The following MYBPC1 variants were observed in gnomAD, a reference collection of about 807,000 sequenced individuals.
MYBPC1 encodes myosin binding protein C1, also known as myosin-binding protein C, slow-type.
Under a neutral mutation model 147.1 loss-of-function variants are expected in MYBPC1, and 52 were observed. The ratio of observed to expected loss-of-function variants is 0.35; its 90% CI spans 0.28 to 0.45. MYBPC1 has a LOEUF of 0.45. MYBPC1 is among the 20% of genes least tolerant of loss of function. The pLI is 1.00. For synonymous variants in MYBPC1, 477 were observed against 475.9 expected (o/e 1.00, Z -0.03); for missense variants, 1,228 against 1,440.3 (o/e 0.85, Z 2.39).
chr12:101,596,753 T>A (rs1877399808), intron 1 of MYBPC1, among the ~76,000 whole-genome samples: 1 of 152,080 alleles, frequency 6.6e-6, no homozygotes, highest in Admixed American at 6.5e-5. Flanking sequence ...AAATATATCT[T>A]TAACTTCAGC....
chr12:101,680,148 G>A lies in MYBPC1; in HGVS notation c.3247-195G>A, dbSNP rs11110958. On this transcript the variant is annotated intron_variant, in intron 28 of 31. Coordinates refer to ENST00000361466, the MANE Select transcript of MYBPC1 (RefSeq NM_002465.4). The stretch of plus-strand genomic sequence containing the variant: ...TGAACACATCTGGCTTTCTTTGTTA[G>A]AACTGTTAGTTTGCTTATTTGCCAA... 0.2 allele frequency among the ~76,000 whole-genome samples: 31,188 copies of A among 152,178 alleles called. 3,763 individuals are homozygous for A. The highest frequency in any genetic ancestry group is 0.34 in the Middle Eastern group (101 of 294).
chr12:101,661,916 G>GAAAAA (rs1555247215), intron 20 of MYBPC1, among the ~76,000 whole-genome samples: 1 of 124,882 alleles, frequency 8.0e-6, no homozygotes, highest in Non-Finnish European at 1.6e-5. Context: ...AAAAAAAAAA[G>GAAAAA]AAAGAAAAAA....
At chr12:101,606,985 C>T (rs746539710) in intron 1 of MYBPC1, among the ~76,000 whole-genome samples, 8 of 151,994 alleles carry the variant, frequency 5.3e-5, no homozygotes, top group African/African-American at 1.2e-4. Context: ...TCACCATGCC[C>T]GACTAATTTC....
intron 1 of MYBPC1, among the ~76,000 whole-genome samples, chr12:101,599,011 C>T (rs1878684067): frequency 6.6e-6 from 1 of 152,172 alleles, no homozygotes; most frequent in South Asian, 2.1e-4. Context: ...CTTAACTTGT[C>T]CGAAAAGGCA....
intron 8 of MYBPC1, among the ~76,000 whole-genome samples, chr12:101,634,041 C>T (rs1373712448): frequency 1.3e-5 from 2 of 151,998 alleles, no homozygotes; most frequent in Admixed American, 6.5e-5. Flanking sequence ...GGACTACAGG[C>T]GCCCGCCACC....
At chr12:101,650,054 T>C (rs961698404) in intron 15 of MYBPC1, among the ~76,000 whole-genome samples, 1 of 152,248 alleles carries the variant, frequency 6.6e-6, no homozygotes, top group African/African-American at 2.4e-5. Flanking sequence ...CATTGAATTA[T>C]TCAGGATCAA....
intron 8 of MYBPC1, among the ~76,000 whole-genome samples, chr12:101,634,210 T>C (rs1426341233): frequency 6.6e-6 from 1 of 152,190 alleles, no homozygotes; most frequent in Non-Finnish European, 1.5e-5. Flanking sequence ...CCTGGAGGGC[T>C]ATTTAAGAAT....
chr12:101,650,886 T>C (rs1396394996), intron 15 of MYBPC1: 1 of 347,512 alleles, frequency 2.9e-6, no homozygotes, highest in Non-Finnish European at 5.6e-6. Flanking sequence ...ATTCAAAATC[T>C]GATGAGTAGT....
chr12:101,653,426 T>G (rs1464629323), intron 18 of MYBPC1, among the ~76,000 whole-genome samples, 178 bp downstream of exon 18: 2 of 152,224 alleles, frequency 1.3e-5, no homozygotes, highest in Non-Finnish European at 2.9e-5. Context: ...GCAAATCTGA[T>G]CATCATTAAT....
At chr12:101,666,560 A>G (rs1030800680) in intron 22 of MYBPC1, 7 of 609,474 alleles carry the variant, frequency 1.1e-5, no homozygotes, top group Non-Finnish European at 2.1e-5. Flanking sequence ...GTCTGCACAG[A>G]GCAGGCTGTG....
At chr12:101,693,179 C>T in the MYBPC1 span, among the ~76,000 whole-genome samples, 29 of 152,234 alleles carry the variant, frequency 1.9e-4, no homozygotes, top group African/African-American at 6.5e-4. Context: ...ATCTCCTGAC[C>T]TCGTGATCCA....
At chr12:101,659,892 ACTTTCCTTCTTTGTC>A in intron 19 of MYBPC1, 61 bp downstream of exon 19, 1 of 1,588,692 alleles carries the variant, frequency 6.3e-7, no homozygotes, top group East Asian at 2.2e-5. Context: ...TTCAGAGTAG[ACTTTCCTTCTTTGTC>A]CTTTCCTTCC....
chr12:101,643,902 G>A (rs561455403), intron 11 of MYBPC1, among the ~76,000 whole-genome samples: 2 of 152,176 alleles, frequency 1.3e-5, no homozygotes, highest in East Asian at 1.9e-4. Context: ...AAAGGCATTC[G>A]ATTTAATATG....
chr12:101,615,676 C>CCG (rs1885793279), intron 2 of MYBPC1, among the ~76,000 whole-genome samples: 4 of 107,832 alleles, frequency 3.7e-5, no homozygotes, highest in South Asian at 4.9e-4. Flanking sequence ...CCCCCCCGCC[C>CCG]CCCCACACCA....
At chr12:101,652,586 T>C in intron 16 of MYBPC1, 92 bp from the exon 17 acceptor site, 2 of 866,990 alleles carry the variant, frequency 2.3e-6, no homozygotes, top group Non-Finnish European at 4.0e-6. Context: ...CTAAAGAAGT[T>C]AATCAGATAA....
At position 101,606,815 on chromosome 12, in the gene MYBPC1, G is replaced by C. The variant is rs190138788; in HGVS notation, c.26-7681G>C. On this transcript the variant is annotated intron_variant, in intron 1 of 31. Transcript: ENST00000361466. ...TGTCATTTATATTTGCTGATTTTGG[G>C]GGGGTACACTGTTTTTTGTTTCTTT... Among the ~76,000 whole-genome samples the C allele has an allele frequency of 2.0e-3, 298 of 152,076 alleles. 3 individuals are homozygous for C. The highest frequency in any genetic ancestry group is 1.3e-3 in the Non-Finnish European group (88 of 67,982).
chr12:101,659,711 T>C lies in MYBPC1; in HGVS notation c.1807T>C (p.Tyr603His). The change falls in exon 19 of 32, where the codon TAC becomes CAC. Residue 603 changes from tyrosine to histidine, a missense_variant. Transcript: ENST00000361466. ...CAGTGGCCGGATAAGAACAGAATCT[T>C]ACCCTGATAGCAGCACTCTGGTCAT... ...EGSGRIRTESYPDSSTLVIDI... is the reference protein window; with the variant it reads ...EGSGRIRTESHPDSSTLVIDI... 1 of 1,614,130 alleles carries C rather than the reference T, an allele frequency of 6.2e-7. No individual in the cohort carries two copies. The highest frequency in any genetic ancestry group is 8.5e-7 in the Non-Finnish European group (1 of 1,180,000).
At chr12:101,609,146 G>A (rs896416152) in intron 1 of MYBPC1, among the ~76,000 whole-genome samples, 1 of 152,034 alleles carries the variant, frequency 6.6e-6, no homozygotes, top group African/African-American at 2.4e-5. Flanking sequence ...AAACCCTTTA[G>A]GGTTCCCACT....
intron 22 of MYBPC1, among the ~76,000 whole-genome samples, chr12:101,664,145 G>A (rs1593987515): frequency 6.6e-6 from 1 of 152,120 alleles, no homozygotes. Context: ...ATATAAAACT[G>A]TAATCAGTTT....
Sources: allele counts gnomAD v4.1 joint callset (sites outside exome capture counted in the v4.1 genomes callset), GRCh38; gene constraint gnomAD v4.1.1; transcripts MANE v1.5; gene names NCBI Gene and HGNC (gene_info 2026-07-23, HGNC 2026-07-21).